DLGAP4: variants seen among roughly 807,000 people sequenced by gnomAD.
The protein encoded by DLGAP4 is disks large-associated protein 4.
In DLGAP4, 18 loss-of-function variants were observed where a neutral mutation model predicts 86.9. That is an observed-to-expected ratio of 0.21 (90% CI 0.14 to 0.31). The LOEUF is 0.31. Ranked by LOEUF, DLGAP4 falls within the 10% of genes least tolerant of loss-of-function variation. DLGAP4 has a pLI of 1.00. For synonymous variants in DLGAP4, 548 were observed against 574.3 expected (o/e 0.95, Z 0.65); for missense variants, 1,085 against 1,362.6 (o/e 0.80, Z 3.21).
At chr20:36,499,986 C>G (rs2036066469) in intron 9 of DLGAP4, among the ~76,000 whole-genome samples, 1 of 151,894 alleles carries the variant, frequency 6.6e-6, no homozygotes. Context: ...ACCTTGTCCT[C>G]GTGTGTGTGT....
At chr20:36,504,169 G>C (rs975631669) in intron 10 of DLGAP4, among the ~76,000 whole-genome samples, 3 of 151,952 alleles carry the variant, frequency 2.0e-5, no homozygotes, top group Admixed American at 2.0e-4. Flanking sequence ...TCACAATATT[G>C]CACTACCATC....
chr20:36,450,325 C>T (rs1483335853), intron 7 of DLGAP4, among the ~76,000 whole-genome samples: 1 of 152,128 alleles, frequency 6.6e-6, no homozygotes, highest in African/African-American at 2.4e-5. Flanking sequence ...TGGCGAAACC[C>T]TGTCTCTACT....
rs1453264812 is a variant in DLGAP4, at chr20:36,432,115, G to A, written c.398G>A (p.Gly133Asp). The change falls in exon 3 of 13, where the codon GGT becomes GAT. Residue 133 changes from glycine to aspartate, a missense_variant. Around this residue, in one of 2 missense-constraint regions of DLGAP4, gnomAD observed 1,082 missense variants for 1,344.1 expected, o/e 0.81. Coordinates refer to ENST00000339266, the MANE Select transcript of DLGAP4 (RefSeq NM_001365621.2). This position sits in a 1 kb window ranked among gnomAD's most constrained non-coding sequence, Gnocchi z 6.5. ...CCCCGTGGCGAGGCCAAGGCCCGTG[G>A]TGAGAGCCCTGGCCGCATCCGCCAC... ...QFPRGEAKAR[G>D]ESPGRIRHLV... 9 of 1,614,202 alleles carry A rather than the reference G, an allele frequency of 5.6e-6. No individual in the cohort carries two copies. Among genetic ancestry groups the A allele is most frequent in the Middle Eastern group, 3.3e-4 (2 of 6,062 alleles).
intron 11 of DLGAP4, 99 bp from the exon 12 acceptor site, chr20:36,525,752 T>A: frequency 6.5e-7 from 1 of 1,529,814 alleles, no homozygotes; most frequent in Non-Finnish European, 8.8e-7. Context: ...CCCCCGCGGG[T>A]GCTGGCAGGG....
At chr20:36,375,426 C>T (rs2031114793) in intron 2 of DLGAP4, among the ~76,000 whole-genome samples, 1 of 152,168 alleles carries the variant, frequency 6.6e-6, no homozygotes, top group Non-Finnish European at 1.5e-5. Context: ...CCATGGCCTT[C>T]ATTTAGTCAT....
At position 36,482,004 on chromosome 20, in the gene DLGAP4, T is replaced by C. The variant is rs6097062; in HGVS notation, c.1649-14701T>C. 8.1e-3 allele frequency among the ~76,000 whole-genome samples: 1,239 copies of C among 152,308 alleles called. 16 individuals carry two copies. Among genetic ancestry groups the C allele is most frequent in the African/African-American group, 0.028 (1,177 of 41,556 alleles). ...TGAGGGAAAAAAAATCCCTCTGTTT[T>C]TCTGTGTCTCTGTCCCCCGGGTGTG... On this transcript the variant is annotated intron_variant, in intron 7 of 12. Transcript: ENST00000339266.
At chr20:36,441,440 A>C (rs897495353) in intron 5 of DLGAP4, among the ~76,000 whole-genome samples, 1 of 152,176 alleles carries the variant, frequency 6.6e-6, no homozygotes, top group South Asian at 2.1e-4. Context: ...ACTTGTCTAA[A>C]GTAGCCTTCC....
intron 7 of DLGAP4, among the ~76,000 whole-genome samples, chr20:36,453,629 T>C (rs980401825): frequency 6.6e-6 from 1 of 151,654 alleles, no homozygotes; most frequent in Admixed American, 6.6e-5. Flanking sequence ...TGAGACTCTG[T>C]CTTTAAAAAA....
chr20:36,461,744 TCCGTCCGCCCGC>T lies in DLGAP4; in HGVS notation c.1648+14811_1648+14822del, dbSNP rs1334913104. On this transcript the variant is annotated intron_variant, in intron 7 of 12. Coordinates refer to ENST00000339266, the MANE Select transcript of DLGAP4 (RefSeq NM_001365621.2). ...TCCTCCCCGTCTGTCCGTCCGTCCGTCCGTCCGCCCGCCCGCCCGCCCGCCCGCGCTTCCGTC... is the reference window on the plus strand; with the variant it reads ...TCCTCCCCGTCTGTCCGTCCGTCCGTCCGCCCGCCCGCCCGCGCTTCCGTC... The T allele has an allele frequency of 4.5e-4, 407 of 899,192 alleles. 1 individual carries two copies. Among genetic ancestry groups the T allele is most frequent in the Admixed American group, 3.3e-3 (30 of 9,142 alleles). The allele number at this position is 899,192 out of a possible 1,614,324, so 55.7% of individuals were successfully genotyped here.
chr20:36,472,857 T>C (rs968569017), intron 7 of DLGAP4, among the ~76,000 whole-genome samples: 4 of 152,144 alleles, frequency 2.6e-5, no homozygotes, highest in African/African-American at 9.7e-5. Flanking sequence ...GCCTTTTCCC[T>C]ACCCACTCCC....
chr20:36,456,873 G>A (rs2033892229), intron 7 of DLGAP4, among the ~76,000 whole-genome samples: 1 of 152,260 alleles, frequency 6.6e-6, no homozygotes. Flanking sequence ...GAAGAGAGAT[G>A]AAGGTGTTTA....
intron 7 of DLGAP4, among the ~76,000 whole-genome samples, chr20:36,448,425 T>C (rs2033656210): frequency 6.6e-6 from 1 of 152,192 alleles, no homozygotes; most frequent in African/African-American, 2.4e-5. Context: ...GAGAGAGGTT[T>C]GAGCTTACTC....
chr20:36,351,266 G>T (rs1414490724), intron 1 of DLGAP4, among the ~76,000 whole-genome samples: 1 of 152,180 alleles, frequency 6.6e-6, no homozygotes, highest in African/African-American at 2.4e-5. Context: ...CTACAAGAGG[G>T]GTCCCCAACC....
Position 36,306,584 on chromosome 20 carries a change from G to C in DLGAP4, c.-304+72G>C, listed in dbSNP as rs1489419748. ...GCCGGCGCGCTCCGTCCCTCGGCTA[G>C]ACCCCCCGATCTGGTCTCCTCCCCG... On this transcript the variant is annotated intron_variant, in intron 1 of 12. Transcript: ENST00000339266. This position sits in a 1 kb window ranked among gnomAD's most constrained non-coding sequence, Gnocchi z 4.9. 6.6e-6 allele frequency: 1 copy of C among 151,720 alleles called. No homozygotes were observed. Among genetic ancestry groups the C allele is most frequent in the Non-Finnish European group, 1.5e-5 (1 of 67,888 alleles). The allele number at this position is 151,720 out of a possible 1,614,324, so 9.4% of individuals were successfully genotyped here.
At chr20:36,491,525 CAG>C (rs929455768) in intron 7 of DLGAP4, among the ~76,000 whole-genome samples, 1 of 151,950 alleles carries the variant, frequency 6.6e-6, no homozygotes, top group Non-Finnish European at 1.5e-5. Context: ...GCATGGAGAA[CAG>C]GGGAAGGGGG....
chr20:36,408,777 T>A (rs907953292), intron 2 of DLGAP4, among the ~76,000 whole-genome samples: 1 of 152,226 alleles, frequency 6.6e-6, no homozygotes, highest in Non-Finnish European at 1.5e-5. Flanking sequence ...TATATTCACA[T>A]GATTAAAATT....
rs1270545760 is a variant in DLGAP4, at chr20:36,467,061, TCTC to T, written c.1648+20126_1648+20128del. Among the ~76,000 whole-genome samples, 38 of 50,226 alleles carry T rather than the reference TCTC, an allele frequency of 7.6e-4. 2 individuals carry two copies. Among genetic ancestry groups the T allele is most frequent in the African/African-American group, 2.2e-3 (32 of 14,526 alleles). 33.0% of individuals were successfully genotyped at this position (50,226 alleles called of 152,430 possible). A position where few individuals can be genotyped will look rare whatever the true frequency, so the allele number is the denominator to read the frequency against. Reference sequence around the variant, plus strand: ...CTCTCTCTCTCTCTCTCTCTCTCTCTCTCCCCCCCCCTTCTCTCGGCCCTGCCT... The same window carrying T: ...CTCTCTCTCTCTCTCTCTCTCTCTCTCCCCCCCCTTCTCTCGGCCCTGCCT... On this transcript the variant is annotated intron_variant, in intron 7 of 12. Transcript: ENST00000339266.
chr20:36,492,426 T>C (rs1473624310), intron 7 of DLGAP4: 1 of 152,456 alleles, frequency 6.6e-6, no homozygotes, highest in Non-Finnish European at 1.5e-5. Flanking sequence ...GCTTTCTGGC[T>C]GGGTTACTTT....
intron 1 of DLGAP4, among the ~76,000 whole-genome samples, chr20:36,340,083 G>A (rs1429373304): frequency 4.6e-5 from 7 of 152,150 alleles, no homozygotes; most frequent in Admixed American, 3.9e-4. Flanking sequence ...TCAACCCTGT[G>A]GGGTTTGGGG....
Sources: allele counts gnomAD v4.1 joint callset (sites outside exome capture counted in the v4.1 genomes callset), GRCh38; gene constraint gnomAD v4.1.1; regional missense constraint gnomAD v4.1.1; non-coding constraint Gnocchi (gnomAD v3.1); transcripts MANE v1.5; gene names NCBI Gene and HGNC (gene_info 2026-07-23, HGNC 2026-07-21).